DLG5: variants seen among roughly 807,000 people sequenced by gnomAD.
DLG5 encodes the protein discs large MAGUK scaffold protein 5, also known as disks large homolog 5.
DLG5 carries 48 observed loss-of-function variants against 189.8 expected under a neutral mutation model. That is an observed-to-expected ratio of 0.25 (90% confidence interval 0.20 to 0.32). The LOEUF is 0.32. Ranked by LOEUF, DLG5 falls within the 10% of genes least tolerant of loss-of-function variation. The pLI is 1.00. For synonymous variants in DLG5, 1,016 were observed against 1,054.1 expected (o/e 0.96, Z 0.70); for missense variants, 2,160 against 2,544.7 (o/e 0.85, Z 3.25).
At chr10:77,800,490 C>T (rs112681210) in intron 27 of DLG5, among the ~76,000 whole-genome samples, 10 of 150,320 alleles carry the variant, frequency 6.7e-5, no homozygotes, top group East Asian at 5.9e-4. Context: ...AACCCAGGCA[C>T]GGGGCCGCCG....
chr10:77,894,985 G>A (rs752714930), intron 1 of DLG5, among the ~76,000 whole-genome samples: 28 of 152,164 alleles, frequency 1.8e-4, no homozygotes, highest in Non-Finnish European at 3.5e-4. Context: ...CAAAGCACTC[G>A]CTCTGCTTTT....
rs1842803064 is a variant in DLG5, at chr10:77,829,550, G to C, written c.2010-20C>G. ...TTGACCCTGAGAAAGGGCACAGCCA[G>C]TTCAGCACCCACACAGGCTGTGGGA... is the stretch of plus-strand genomic sequence containing the variant. On this transcript the variant is annotated intron_variant, in intron 11 of 31. Transcript: ENST00000372391. 3 of 1,580,678 alleles carry C rather than the reference G, an allele frequency of 1.9e-6. No individual in the cohort carries two copies. The highest frequency in any genetic ancestry group is 1.7e-6 in the Non-Finnish European group (2 of 1,160,448).
rs1846680947 is a variant in DLG5, at chr10:77,926,081, C to G, written c.304+136G>C. 1.0e-6 allele frequency: 1 copy of G among 963,230 alleles called. No individual in the cohort carries two copies. The highest frequency in any genetic ancestry group is 1.4e-6 in the Non-Finnish European group (1 of 732,812). The allele number at this position is 963,230 out of a possible 1,614,324, so 59.7% of individuals were successfully genotyped here. A position where few individuals can be genotyped will look rare whatever the true frequency, so the allele number is the denominator to read the frequency against. On this transcript the variant is annotated intron_variant, in intron 1 of 31. Coordinates refer to ENST00000372391, the MANE Select transcript of DLG5 (RefSeq NM_004747.4). This position sits in a 1 kb window ranked among gnomAD's most constrained non-coding sequence, Gnocchi z 5.2. ...TCGGGATCCGCGCACCGCCGCCTCC[C>G]CAACTGGGCCAGAGGAGCGAGTCCA...
chr10:77,816,621 GGGACTGGCTACAAGA>G lies in DLG5; in HGVS notation c.3940_3954del (p.Ser1314_Ser1318del), dbSNP rs745858884. On this transcript the variant is annotated inframe_deletion, in exon 20 of 32. Coordinates refer to ENST00000372391, the MANE Select transcript of DLG5 (RefSeq NM_004747.4). Reference sequence around the variant, plus strand: ...CTGGGCAATGTGGAGGCTGAGGTCTGGGACTGGCTACAAGAGGACAGGGTGTCGATGTTCAGGGGT... The same window carrying G: ...CTGGGCAATGTGGAGGCTGAGGTCTGGGACAGGGTGTCGATGTTCAGGGGT... 5.0e-6 allele frequency: 8 copies of G among 1,614,082 alleles called. No homozygotes were observed. Among genetic ancestry groups the G allele is most frequent in the Non-Finnish European group, 6.8e-6 (8 of 1,180,030 alleles).
intron 1 of DLG5, among the ~76,000 whole-genome samples, chr10:77,880,651 G>A (rs1353837171): frequency 6.6e-6 from 1 of 152,136 alleles, no homozygotes; most frequent in Non-Finnish European, 1.5e-5. Flanking sequence ...GAGGCTGATG[G>A]AAATGAGGCA....
At chr10:77,896,584 T>C (rs1845765863) in intron 1 of DLG5, among the ~76,000 whole-genome samples, 1 of 152,132 alleles carries the variant, frequency 6.6e-6, no homozygotes, top group Non-Finnish European at 1.5e-5. Flanking sequence ...CTCACTCCTG[T>C]AATCCCAGCA....
At chr10:77,932,899 G>A in the DLG5 span, among the ~76,000 whole-genome samples, 4 of 140,326 alleles carry the variant, frequency 2.9e-5, 1 homozygote, top group South Asian at 4.3e-4. Context: ...ACCCAAGTTC[G>A]AGGCCAAACA....
rs143967003 is a variant in DLG5 at position 77,821,524 on chromosome 10, T to C, written c.2960A>G (p.Lys987Arg). 644 of 1,612,726 alleles carry C rather than the reference T, an allele frequency of 4.0e-4. 1 individual carries two copies. In the African/African-American group the frequency reaches 7.6e-3, roughly 19 times the overall value. Residue 987 changes from lysine to arginine, a missense_variant, in exon 15 of 32, where the codon AAA becomes AGA. This residue lies in a region of DLG5 where 754 missense variants were observed against 746.5 expected (regional missense o/e 1.01). Transcript: ENST00000372391. ...AGGACCTGGAAGCAGGTAGTCTATT[T>C]TGGGGGGTGTCTGGGGGCGTTTGAA... ...NTFKRPQTPPKIDYLLPGPGP... is the reference protein window; with the variant it reads ...NTFKRPQTPPRIDYLLPGPGP...
intron 2 of DLG5, among the ~76,000 whole-genome samples, chr10:77,863,107 T>G (rs1338054768): frequency 6.6e-6 from 1 of 152,190 alleles, no homozygotes; most frequent in African/African-American, 2.4e-5. Context: ...AAATTTCTTT[T>G]TTGAGACAGG....
At chr10:77,825,139 A>C (rs1842556842) in intron 13 of DLG5, among the ~76,000 whole-genome samples, 1 of 152,172 alleles carries the variant, frequency 6.6e-6, no homozygotes, top group African/African-American at 2.4e-5. Flanking sequence ...TGCGGAATCA[A>C]AACAGCCCAG....
At chr10:77,806,954 G>C (rs76385269) in intron 25 of DLG5, 26 bp from the exon 26 acceptor site, 2 of 1,594,724 alleles carry the variant, frequency 1.3e-6, no homozygotes, top group Admixed American at 1.7e-5. Flanking sequence ...GAAGGAACAC[G>C]ATCAGGCGGC....
intron 5 of DLG5, among the ~76,000 whole-genome samples, chr10:77,849,369 C>T (rs1339504769): frequency 6.6e-6 from 1 of 152,248 alleles, no homozygotes; most frequent in African/African-American, 2.4e-5. Flanking sequence ...TCCCCTTATC[C>T]CCGCTTCCTC....
chr10:77,916,798 GAT>G (rs1846370509), intron 1 of DLG5, among the ~76,000 whole-genome samples: 1 of 151,558 alleles, frequency 6.6e-6, no homozygotes, highest in African/African-American at 2.4e-5. Flanking sequence ...GACTCGAAGA[GAT>G]ATTTGTACAC....
In DLG5 at chr10:77,805,928, C is replaced by T. The variant is rs1338513279; in HGVS notation, c.4968-67G>A. ...CTGCTGCCCTGCCCTTCCTGCCCTT[C>T]CTGGTGAGAAAAGCAAAGGTGGGCC... On this transcript the variant is annotated intron_variant, in intron 26 of 31. Transcript: ENST00000372391. The T allele has an allele frequency of 6.7e-6, 10 of 1,496,758 alleles. No homozygotes were observed. The East Asian group carries it at 2.1e-4, about 31-fold the overall frequency. The allele number at this position is 1,496,758 out of a possible 1,614,324, so 92.7% of individuals were successfully genotyped here. A position where few individuals can be genotyped will look rare whatever the true frequency, so the allele number is the denominator to read the frequency against.
chr10:77,810,932 G>C (rs929075657), intron 23 of DLG5, among the ~76,000 whole-genome samples, 162 bp downstream of exon 23: 5 of 152,212 alleles, frequency 3.3e-5, no homozygotes, highest in African/African-American at 1.2e-4. Context: ...GAGTAGGGAA[G>C]GAAAAAAGGA....
rs761668004 is a variant in DLG5, at chr10:77,828,993, C to G, written c.2186-8G>C. The G allele has an allele frequency of 9.9e-6, 16 of 1,613,746 alleles. 1 individual carries two copies. The South Asian group carries it at 1.6e-4, about 17-fold the overall frequency. ...CCAGACTGATGCCACTGTCTGCAAGCCACAGGAGGTCACTGGGTAGCCCCT... is the reference window on the plus strand; with the variant it reads ...CCAGACTGATGCCACTGTCTGCAAGGCACAGGAGGTCACTGGGTAGCCCCT... On this transcript the variant is annotated splice_region_variant and splice_polypyrimidine_tract_variant and intron_variant, in intron 12 of 31. Transcript: ENST00000372391.
rs1419306214 is a variant in DLG5, at chr10:77,817,062, G to A, written c.3819C>T (p.Arg1273=). ...ATCTTGGTGTTGATGGGATTTTAAT[G>A]CGTTCCGCCTTGAACTGCAAGTTAC... is the stretch of plus-strand genomic sequence containing the variant. ...SSSNLQFKAE[R]IKIPSTPRYP... Residue 1273 remains arginine, a synonymous_variant, in exon 19 of 32, where the codon CGC becomes CGT. Coordinates refer to ENST00000372391, the MANE Select transcript of DLG5 (RefSeq NM_004747.4). 4.3e-6 allele frequency: 7 copies of A among 1,614,056 alleles called. No individual in the cohort carries two copies. The highest frequency in any genetic ancestry group is 4.0e-5 in the African/African-American group (3 of 74,910).
intron 17 of DLG5, 46 bp downstream of exon 17, chr10:77,819,275 G>C: frequency 6.2e-7 from 1 of 1,612,702 alleles, no homozygotes; most frequent in Non-Finnish European, 8.5e-7. Flanking sequence ...GTCCAGGCAG[G>C]CTTGGGCAGC....
At chr10:77,857,402 C>T (rs146007292) in intron 2 of DLG5, among the ~76,000 whole-genome samples, 181 of 152,358 alleles carry the variant, frequency 1.2e-3, no homozygotes, top group African/African-American at 4.2e-3. Context: ...CCGCCCTCCT[C>T]GACCAGGGCT....
Sources: allele counts gnomAD v4.1 joint callset (sites outside exome capture counted in the v4.1 genomes callset), GRCh38; gene constraint gnomAD v4.1.1; regional missense constraint gnomAD v4.1.1; non-coding constraint Gnocchi (gnomAD v3.1); transcripts MANE v1.5; gene names NCBI Gene and HGNC (gene_info 2026-07-23, HGNC 2026-07-21).